UROC1: variants seen among roughly 807,000 people sequenced by gnomAD.
The protein encoded by UROC1 is urocanate hydratase 1, also known as urocanate hydratase.
A neutral mutation model predicts 89.5 loss-of-function variants in UROC1; 79 were observed. The ratio of observed to expected loss-of-function variants is 0.88; its 90% CI spans 0.74 to 1.06. UROC1 has a LOEUF of 1.06. Among genes scored for constraint, UROC1 ranks in the 50% least tolerant of loss-of-function variants. The pLI is 0.00. For missense variants in UROC1, 885 were observed against 907.8 expected, an observed-to-expected ratio of 0.97 and a Z score of 0.32; for synonymous variants, 361 against 354.8, an observed-to-expected ratio of 1.02 and a Z score of -0.20.
chr3:126,486,536 T>C (rs1340940459), intron 18 of UROC1, among the ~76,000 whole-genome samples: 1 of 152,064 alleles, frequency 6.6e-6, no homozygotes, highest in Non-Finnish European at 1.5e-5. Context: ...AGACGGCAAA[T>C]GGGCAATCAG....
intron 1 of UROC1, among the ~76,000 whole-genome samples, chr3:126,511,392 C>T (rs1936193514): frequency 1.3e-5 from 2 of 152,190 alleles, no homozygotes; most frequent in Non-Finnish European, 1.5e-5. Flanking sequence ...ACTTTCAAGT[C>T]AATACTGCTG....
At chr3:126,490,296 C>T (rs779709605) in intron 16 of UROC1, among the ~76,000 whole-genome samples, 7 of 152,210 alleles carry the variant, frequency 4.6e-5, no homozygotes, top group South Asian at 4.1e-4. Flanking sequence ...TTTGCCCCCA[C>T]GAGATGGATG....
intron 1 of UROC1, among the ~76,000 whole-genome samples, chr3:126,515,342 C>T (rs1302942555): frequency 6.6e-6 from 1 of 151,784 alleles, no homozygotes; most frequent in Non-Finnish European, 1.5e-5. Context: ...GGCAGGACCA[C>T]CTGCTTGCAA....
chr3:126,488,041 G>T (rs565344900), intron 18 of UROC1, among the ~76,000 whole-genome samples, 157 bp downstream of exon 18: 82 of 152,164 alleles, frequency 5.4e-4, no homozygotes, highest in Non-Finnish European at 5.7e-4. Flanking sequence ...AACTGTCTCC[G>T]CTCACGCAAG....
In UROC1 at chr3:126,496,061, G is replaced by C. The variant is rs762174555; in HGVS notation, c.1486C>G (p.Arg496Gly). ...ACCAGCCGGTGCCTGGCGGCCTCCCGGATCCAGCGGATGTTGTCCATGTAC... is the reference window on the plus strand; with the variant it reads ...ACCAGCCGGTGCCTGGCGGCCTCCCCGATCCAGCGGATGTTGTCCATGTAC... Reference protein sequence around the residue: ...LQYMDNIRWIREAARHRLVVG... With the variant: ...LQYMDNIRWIGEAARHRLVVG... The change falls in exon 15 of 20, where the codon CGG (arginine) becomes GGG (glycine). Residue 496 changes from arginine (R) to glycine (G), a missense_variant. Transcript: ENST00000290868. 4 of 1,613,336 alleles carry C rather than the reference G, an allele frequency of 2.5e-6. No homozygotes were observed. In the South Asian group the frequency reaches 3.3e-5, roughly 13 times the overall value.
chr3:126,503,023 G>C (rs1482071205), intron 9 of UROC1, among the ~76,000 whole-genome samples: 2 of 151,978 alleles, frequency 1.3e-5, no homozygotes, highest in Non-Finnish European at 2.9e-5. Flanking sequence ...GTGTGTTTAT[G>C]TGTGTGCGTT....
chr3:126,492,666 G>A (rs1213567800), intron 15 of UROC1, 150 bp from the exon 16 acceptor site: 2 of 707,850 alleles, frequency 2.8e-6, no homozygotes, highest in Non-Finnish European at 5.1e-6. Flanking sequence ...CCCCCAGGGT[G>A]CATGGTAGCT....
intron 9 of UROC1, among the ~76,000 whole-genome samples, chr3:126,502,680 TTGTG>T (rs1353270931): frequency 1.3e-5 from 2 of 151,142 alleles, no homozygotes; most frequent in Non-Finnish European, 3.0e-5. Context: ...CATGCATGTG[TTGTG>T]TGTCTGTTTA....
intron 9 of UROC1, among the ~76,000 whole-genome samples, chr3:126,502,175 G>A (rs1404584241): frequency 1.3e-5 from 2 of 152,002 alleles, no homozygotes; most frequent in Non-Finnish European, 2.9e-5. Context: ...TATGTTATGG[G>A]CATGTGCGTG....
chr3:126,502,809 GTATGTGTGCT>G (rs992766416), intron 9 of UROC1, among the ~76,000 whole-genome samples: 19 of 151,452 alleles, frequency 1.3e-4, no homozygotes, highest in African/African-American at 4.6e-4. Flanking sequence ...TGTTCTCTGT[GTATGTGTGCT>G]TATGTGTGTT....
At chr3:126,489,451 C>G in intron 16 of UROC1, 76 bp from the exon 17 acceptor site, 1 of 1,168,238 alleles carries the variant, frequency 8.6e-7, no homozygotes, top group Non-Finnish European at 1.3e-6. Context: ...GGACAAGGGG[C>G]AGGTCACACC....
At chr3:126,489,451 C>T in intron 16 of UROC1, 76 bp from the exon 17 acceptor site, 1 of 1,168,238 alleles carries the variant, frequency 8.6e-7, no homozygotes, top group Non-Finnish European at 1.3e-6. Flanking sequence ...GGACAAGGGG[C>T]AGGTCACACC....
intron 17 of UROC1, among the ~76,000 whole-genome samples, 188 bp from the exon 18 acceptor site, chr3:126,488,467 G>A (rs913897376): frequency 6.6e-6 from 1 of 152,262 alleles, no homozygotes; most frequent in African/African-American, 2.4e-5. Context: ...TAGAGTGGGA[G>A]AAACTGACAC....
rs571504722 is a variant in UROC1, at chr3:126,481,795, C to T, written c.*550G>A. ...TCTCATTTCTTCCCCAGTAAGTGAT[C>T]ATTTATCCTTAGGGCAGACCCGGCC... On this transcript the variant is annotated 3_prime_UTR_variant, in exon 20 of 20. Transcript: ENST00000290868. The T allele has an allele frequency of 3.8e-5, 6 of 156,502 alleles. No homozygotes were observed. The highest frequency in any genetic ancestry group is 1.2e-4 in the Admixed American group (2 of 16,152). The allele number at this position is 156,502 out of a possible 1,614,324, so 9.7% of individuals were successfully genotyped here. A position where few individuals can be genotyped will look rare whatever the true frequency, so the allele number is the denominator to read the frequency against.
At chr3:126,499,001 G>T in intron 13 of UROC1, among the ~76,000 whole-genome samples, 1 of 152,150 alleles carries the variant, frequency 6.6e-6, no homozygotes, top group East Asian at 1.9e-4. Context: ...TCATGATCCA[G>T]CCATCAGCCA....
Position 126,498,238 on chromosome 3 carries a change from A to C in UROC1, c.1317-66T>G, listed in dbSNP as rs560088566. ...TGTTGGGGGAGGGGGTGCAGGTGTG[A>C]GCATGCCAGGGAGGAGGGCTCAGCA... On this transcript the variant is annotated intron_variant, in intron 13 of 19. Coordinates refer to ENST00000290868, the MANE Select transcript of UROC1 (RefSeq NM_144639.3). The C allele has an allele frequency of 1.2e-3, 1,886 of 1,611,944 alleles. 23 individuals are homozygous for C. The South Asian group carries it at 0.014, about 12-fold the overall frequency.
intron 9 of UROC1, chr3:126,502,066 GTGTA>G: frequency 9.5e-7 from 1 of 1,052,550 alleles, no homozygotes; most frequent in Non-Finnish European, 1.3e-6. Context: ...TTTGATGTAT[GTGTA>G]TGTGTGTGTG....
chr3:126,515,125 TC>T (rs1432911423), intron 1 of UROC1, among the ~76,000 whole-genome samples: 1 of 151,786 alleles, frequency 6.6e-6, no homozygotes, highest in Non-Finnish European at 1.5e-5. Flanking sequence ...AGCCACCTTC[TC>T]CCAACACAAG....
At chr3:126,509,701 C>T in intron 2 of UROC1, 23 bp from the exon 3 acceptor site, 1 of 1,548,794 alleles carries the variant, frequency 6.5e-7, no homozygotes, top group East Asian at 2.4e-5. Flanking sequence ...GCCCAACCAC[C>T]AGGCTGCCCT....
Sources: allele counts gnomAD v4.1 joint callset (sites outside exome capture counted in the v4.1 genomes callset), GRCh38; gene constraint gnomAD v4.1.1; transcripts MANE v1.5; gene names NCBI Gene and HGNC (gene_info 2026-07-23, HGNC 2026-07-21).